The following PHACTR2 variants were observed in gnomAD, a reference collection of about 807,000 sequenced individuals.
PHACTR2 encodes phosphatase and actin regulator 2, also known as chromosome 6 open reading frame 56.
PHACTR2 carries 30 observed loss-of-function variants against 76.0 expected under a neutral mutation model. The observed-to-expected ratio is 0.39, with a 90% CI of 0.30 to 0.54. PHACTR2 has a LOEUF of 0.54. Ranked by LOEUF, PHACTR2 falls within the 20% of genes least tolerant of loss-of-function variation. The probability of loss-of-function intolerance (pLI) is 0.61; values close to 1 mark genes in which losing one functional copy is unlikely to be tolerated. For missense variants in PHACTR2, 696 were observed against 781.1 expected, an observed-to-expected ratio of 0.89 and a Z score of 1.30; for synonymous variants, 292 against 292.5, an observed-to-expected ratio of 1.00 and a Z score of 0.02.
chr6:143,650,631 G>A (rs1440492537), intron 1 of PHACTR2, among the ~76,000 whole-genome samples: 1 of 152,108 alleles, frequency 6.6e-6, no homozygotes, highest in Non-Finnish European at 1.5e-5. Context: ...CTAGCCATAC[G>A]CAGAAAATTG....
intron 2 of PHACTR2, among the ~76,000 whole-genome samples, chr6:143,712,794 G>GT (rs1371001854): frequency 2.6e-5 from 4 of 152,280 alleles, no homozygotes; most frequent in East Asian, 3.9e-4. Context: ...TCTTAAGAGA[G>GT]TAGAGGCACA....
At chr6:143,729,446 T>TTTTATC (rs1778653637) in intron 2 of PHACTR2, among the ~76,000 whole-genome samples, 1 of 152,168 alleles carries the variant, frequency 6.6e-6, no homozygotes, top group Non-Finnish European at 1.5e-5. Context: ...TATGTTTTCT[T>TTTTATC]CTAAATGTTT....
intron 1 of PHACTR2, among the ~76,000 whole-genome samples, chr6:143,542,195 T>G (rs1022934676): frequency 6.6e-6 from 1 of 152,168 alleles, no homozygotes; most frequent in Non-Finnish European, 1.5e-5. Context: ...GGTCAAGCTG[T>G]GTACCTGGTG....
At position 143,547,771 on chromosome 6, in the gene PHACTR2, A is replaced by G. The variant is rs1775030381; in HGVS notation, c.217+10564A>G. Among the ~76,000 whole-genome samples, 1 of 152,242 alleles carries G rather than the reference A, an allele frequency of 6.6e-6. No individual in the cohort carries two copies. The highest frequency in any genetic ancestry group is 1.5e-5 in the Non-Finnish European group (1 of 68,042). The stretch of plus-strand genomic sequence containing the variant: ...TGTGGCTTCATGATACCTTGCGGCC[A>G]GGAACTGATACATTGATACATTGGT... On this transcript the variant is annotated intron_variant, in intron 1 of 11. Coordinates refer to the PHACTR2 transcript ENST00000367584. This position sits in a 1 kb window ranked among gnomAD's most constrained non-coding sequence, Gnocchi z 4.2.
intron 1 of PHACTR2, among the ~76,000 whole-genome samples, chr6:143,705,366 T>C (rs2488094): frequency 0.53 from 78,060 of 147,966 alleles, 21,306 homozygotes; most frequent in Middle Eastern, 0.64. Context: ...GCAATCTTGG[T>C]TCACTGCAAG....
intron 1 of PHACTR2, among the ~76,000 whole-genome samples, chr6:143,586,222 GGA>G (rs762912843): frequency 2.6e-5 from 4 of 152,000 alleles, no homozygotes; most frequent in Non-Finnish European, 5.9e-5. Context: ...AGAGAGAGAA[GGA>G]GAGAGAGGGT....
intron 1 of PHACTR2, among the ~76,000 whole-genome samples, chr6:143,705,794 G>T (rs956368357): frequency 1.3e-5 from 2 of 152,144 alleles, no homozygotes; most frequent in African/African-American, 4.8e-5. Flanking sequence ...CTAAGGTCCT[G>T]TTTGTCAGCA....
At chr6:143,629,733 C>T (rs1260006753) in intron 1 of PHACTR2, among the ~76,000 whole-genome samples, 4 of 151,846 alleles carry the variant, frequency 2.6e-5, no homozygotes, top group African/African-American at 9.7e-5. Flanking sequence ...CAAGGAGATG[C>T]GTATTGAGAG....
chr6:143,614,860 G>T, intron 1 of PHACTR2, among the ~76,000 whole-genome samples: 1 of 152,124 alleles, frequency 6.6e-6, no homozygotes, highest in Non-Finnish European at 1.5e-5. Flanking sequence ...GAGATTGGGG[G>T]TCATGCACAG....
At chr6:143,778,913 G>A (rs1775349485) in intron 9 of PHACTR2, among the ~76,000 whole-genome samples, 1 of 152,200 alleles carries the variant, frequency 6.6e-6, no homozygotes, top group African/African-American at 2.4e-5. Context: ...CTTACCGCGT[G>A]TTGATCTTAA....
At position 143,660,213 on chromosome 6, in the gene PHACTR2, G is replaced by A. The variant is rs558051288; in HGVS notation, c.14-51803G>A. Among the ~76,000 whole-genome samples the A allele has an allele frequency of 6.8e-5, 10 of 147,400 alleles. No individual in the cohort carries two copies. The East Asian group carries it at 1.2e-3, about 18-fold the overall frequency. Reference sequence around the variant, plus strand: ...TGTATTAGTCCATTTTCATGCTGCTGATAAAGACATACCCAAGACCGAGCA... The same window carrying A: ...TGTATTAGTCCATTTTCATGCTGCTAATAAAGACATACCCAAGACCGAGCA... On this transcript the variant is annotated intron_variant, in intron 1 of 11. Coordinates refer to the PHACTR2 transcript ENST00000305766.
chr6:143,760,206 C>T lies in PHACTR2; in HGVS notation c.455-195C>T, dbSNP rs1779402350. 6.6e-6 allele frequency among the ~76,000 whole-genome samples: 1 copy of T among 152,132 alleles called. No homozygotes were observed. Among genetic ancestry groups the T allele is most frequent in the Admixed American group, 6.6e-5 (1 of 15,264 alleles). ...GTTTTATTAAAGGGTGATTCGTGTA[C>T]CCTGAGAACACTTCTCAGTTTGTCT... On this transcript the variant is annotated intron_variant, in intron 4 of 12. Coordinates refer to ENST00000440869, the MANE Select transcript of PHACTR2 (RefSeq NM_001100164.2). This position sits in a 1 kb window ranked among gnomAD's most constrained non-coding sequence, Gnocchi z 6.4.
At chr6:143,615,943 C>T (rs779203796) in intron 1 of PHACTR2, among the ~76,000 whole-genome samples, 5 of 152,118 alleles carry the variant, frequency 3.3e-5, no homozygotes, top group Non-Finnish European at 5.9e-5. Context: ...CTCTGTGAAC[C>T]AGTACAAGAT....
chr6:143,626,972 C>T lies in PHACTR2; in HGVS notation c.13+18650C>T, dbSNP rs189835881. The stretch of plus-strand genomic sequence containing the variant: ...AGCTACTTTACAAGACAAACTAAAA[C>T]GTTAGGTTGATTATTAGTGCTTTCC... On this transcript the variant is annotated intron_variant, in intron 1 of 11. Transcript: ENST00000305766. Among the ~76,000 whole-genome samples the T allele has an allele frequency of 2.7e-3, 405 of 152,274 alleles. 1 individual carries two copies. Among genetic ancestry groups the T allele is most frequent in the African/African-American group, 9.1e-3 (380 of 41,554 alleles).
chr6:143,759,679 C>CA (rs796561358), intron 4 of PHACTR2, among the ~76,000 whole-genome samples: 1,729 of 68,184 alleles, frequency 0.025, 18 homozygotes, highest in African/African-American at 0.06. Context: ...CACACACATA[C>CA]AAAAAAAAAA....
rs1775217156 is a variant in PHACTR2, at chr6:143,774,065, T to C, written c.1439T>C (p.Leu480Ser). 4 of 1,613,498 alleles carry C rather than the reference T, an allele frequency of 2.5e-6. No individual in the cohort carries two copies. In the East Asian group the frequency reaches 6.7e-5, roughly 27 times the overall value. Residue 480 changes from leucine to serine, a missense_variant, in exon 8 of 13, where the codon TTG (leucine) becomes TCG (serine). This residue lies in a region of PHACTR2 where 236 missense variants were observed against 330.2 expected (regional missense o/e 0.71). Transcript: ENST00000440869. The surrounding 1 kb of genome is among the most constrained non-coding windows in gnomAD (Gnocchi z 5.4). ...EDEDGSGESA[L>S]ASKIRRRDTL... ...GCTCTTTTTCAATCCTCAGGTGCTT[T>C]GGCAAGTAAAATACGCCGGAGGGAT...
In PHACTR2 at chr6:143,696,531, A is replaced by G. The variant is rs1281296555; in HGVS notation, c.47-15485A>G. Among the ~76,000 whole-genome samples the G allele has an allele frequency of 6.6e-6, 1 of 152,164 alleles. No homozygotes were observed. ...CCCAAATCATGAATTGTATTACCCCATTCTACAGATGAGGAAGGGACTCTG... is the reference window on the plus strand; with the variant it reads ...CCCAAATCATGAATTGTATTACCCCGTTCTACAGATGAGGAAGGGACTCTG... On this transcript the variant is annotated intron_variant, in intron 1 of 12. Coordinates refer to ENST00000440869, the MANE Select transcript of PHACTR2 (RefSeq NM_001100164.2). This position sits in a 1 kb window ranked among gnomAD's most constrained non-coding sequence, Gnocchi z 4.1.
rs536167337 is a variant in PHACTR2, at chr6:143,774,148, A to G, written c.1522A>G (p.Ile508Val). The change falls in exon 8 of 13, where the codon ATC becomes GTC. Residue 508 changes from isoleucine to valine, a missense_variant. By Grantham distance (29) the Ile-to-Val change is conservative. Transcript: ENST00000440869. The surrounding 1 kb of genome is among the most constrained non-coding windows in gnomAD (Gnocchi z 5.4). Reference sequence around the variant, plus strand: ...TAAGAAAGAACTAGAGGACAAAAACATCTTGCAGCGTACATCTGAAGAAGA... The same window carrying G: ...TAAGAAAGAACTAGAGGACAAAAACGTCTTGCAGCGTACATCTGAAGAAGA... ...PSKKELEDKN[I>V]LQRTSEEERQ... is the part of the protein sequence containing the mutation. 1 of 1,614,058 alleles carries G rather than the reference A, an allele frequency of 6.2e-7. No homozygotes were observed. The highest frequency in any genetic ancestry group is 2.2e-5 in the East Asian group (1 of 44,890).
At chr6:143,569,150 G>A (rs1343128572) in intron 1 of PHACTR2, among the ~76,000 whole-genome samples, 1 of 152,198 alleles carries the variant, frequency 6.6e-6, no homozygotes, top group African/African-American at 2.4e-5. Flanking sequence ...CTTGCAGTTA[G>A]GCAGGGCTAT....
Sources: allele counts gnomAD v4.1 joint callset (sites outside exome capture counted in the v4.1 genomes callset), GRCh38; gene constraint gnomAD v4.1.1; regional missense constraint gnomAD v4.1.1; non-coding constraint Gnocchi (gnomAD v3.1); transcripts MANE v1.5; gene names NCBI Gene and HGNC (gene_info 2026-07-23, HGNC 2026-07-21).